Variants in FAM135B observed in about 807,000 individuals in gnomAD.
The protein encoded by FAM135B is family with sequence similarity 135 member B.
A neutral mutation model predicts 127.7 loss-of-function variants in FAM135B; 43 were observed. The observed-to-expected ratio is 0.34, with a 90% confidence interval of 0.26 to 0.43. The LOEUF (loss-of-function observed/expected upper bound fraction) is 0.43, where lower values mean the gene tolerates loss of function less well. Ranked by LOEUF, FAM135B falls within the 20% of genes least tolerant of loss-of-function variation. FAM135B has a pLI of 1.00. For synonymous variants in FAM135B, 670 were observed against 665.1 expected (o/e 1.01, Z -0.11); for missense variants, 1,558 against 1,725.6 (o/e 0.90, Z 1.72).
At chr8:138,415,413 T>A (rs1403499718) in intron 1 of FAM135B, among the ~76,000 whole-genome samples, 1 of 152,154 alleles carries the variant, frequency 6.6e-6, no homozygotes, top group Non-Finnish European at 1.5e-5. Context: ...GCTCCCAGTT[T>A]AGCTCTCGTG....
At chr8:138,364,455 G>C (rs966065451) in intron 2 of FAM135B, among the ~76,000 whole-genome samples, 1 of 152,150 alleles carries the variant, frequency 6.6e-6, no homozygotes, top group African/African-American at 2.4e-5. Flanking sequence ...ACCACGCTCA[G>C]ACCTGTCCAT....
chr8:138,416,187 G>T (rs1465164558), intron 1 of FAM135B, among the ~76,000 whole-genome samples: 1 of 152,084 alleles, frequency 6.6e-6, no homozygotes, highest in Non-Finnish European at 1.5e-5. Context: ...TGTACTTTTG[G>T]AGTACAAAAC....
At position 138,241,188 on chromosome 8, in the gene FAM135B, A is replaced by G. The variant is rs1309657837; in HGVS notation, c.669+1754T>C. Among the ~76,000 whole-genome samples the G allele has an allele frequency of 2.6e-5, 4 of 152,180 alleles. No homozygotes were observed. The highest frequency in any genetic ancestry group is 9.7e-5 in the African/African-American group (4 of 41,442). On this transcript the variant is annotated intron_variant, in intron 7 of 19. Transcript: ENST00000395297. The surrounding 1 kb of genome is among the most constrained non-coding windows in gnomAD (Gnocchi z 4.8). ...CTGTAGCAAAGGACCCACAGCAGGG[A>G]CAGTCCAATGACATGCTACAGGGCT...
In FAM135B at chr8:138,257,888, A is replaced by AAT. The variant is rs1554646113; in HGVS notation, c.298-1130_298-1129insAT. Among the ~76,000 whole-genome samples the AAT allele has an allele frequency of 4.2e-5, 6 of 142,124 alleles. No individual in the cohort carries two copies. In the East Asian group the frequency reaches 1.0e-3, roughly 24 times the overall value. The allele number at this position is 142,124 out of a possible 152,430, so 93.2% of individuals were successfully genotyped here. A position where few individuals can be genotyped will look rare whatever the true frequency, so the allele number is the denominator to read the frequency against. Reference sequence around the variant, plus strand: ...AGCTTCTACAAAAAATAAAAAATAAAAAAAAAAATAAAACAAAACAAAACA... The same window carrying AAT: ...AGCTTCTACAAAAAATAAAAAATAAAATAAAAAAAATAAAACAAAACAAAACA... On this transcript the variant is annotated intron_variant, in intron 4 of 19. Transcript: ENST00000395297.
intron 1 of FAM135B, among the ~76,000 whole-genome samples, chr8:138,412,682 G>C (rs983668412): frequency 2.0e-5 from 3 of 152,154 alleles, no homozygotes; most frequent in Non-Finnish European, 2.9e-5. Flanking sequence ...GCAAATCTTT[G>C]ACCAGAGGGC....
At chr8:138,362,018 T>G (rs1830449634) in intron 2 of FAM135B, among the ~76,000 whole-genome samples, 1 of 152,146 alleles carries the variant, frequency 6.6e-6, no homozygotes, top group Admixed American at 6.6e-5. Flanking sequence ...GTACAGATAT[T>G]TATGGGGCAC....
At chr8:138,295,609 G>A (rs1204752852) in intron 3 of FAM135B, among the ~76,000 whole-genome samples, 1 of 152,154 alleles carries the variant, frequency 6.6e-6, no homozygotes, top group Non-Finnish European at 1.5e-5. Flanking sequence ...TGTGAGCAGA[G>A]TTCTGAAGGA....
At chr8:138,165,428 T>G (rs1223606725) in intron 12 of FAM135B, among the ~76,000 whole-genome samples, 1 of 152,084 alleles carries the variant, frequency 6.6e-6, no homozygotes, top group Non-Finnish European at 1.5e-5. Context: ...CCAAGGGAAC[T>G]AATTTATTAA....
At chr8:138,336,328 T>C (rs1828582875) in intron 2 of FAM135B, among the ~76,000 whole-genome samples, 2 of 152,228 alleles carry the variant, frequency 1.3e-5, no homozygotes, top group South Asian at 4.1e-4. Context: ...GCTGGTTTTT[T>C]GAAAAGACCA....
chr8:138,408,609 T>C (rs1833669682), intron 1 of FAM135B, among the ~76,000 whole-genome samples: 1 of 152,160 alleles, frequency 6.6e-6, no homozygotes, highest in Admixed American at 6.5e-5. Context: ...TTTAATTGAC[T>C]CACAGTCTTG....
chr8:138,170,785 G>A (rs1286283734), intron 11 of FAM135B, among the ~76,000 whole-genome samples: 1 of 152,184 alleles, frequency 6.6e-6, no homozygotes, highest in Non-Finnish European at 1.5e-5. Context: ...GTCTCTGGAG[G>A]AGACTGGCAT....
chr8:138,490,064 C>A (rs1447319173), intron 1 of FAM135B, among the ~76,000 whole-genome samples: 1 of 152,186 alleles, frequency 6.6e-6, no homozygotes, highest in Non-Finnish European at 1.5e-5. Flanking sequence ...TCTTGGCCCC[C>A]TTCAAGCTTC....
At chr8:138,214,595 C>A (rs1818404923) in intron 7 of FAM135B, among the ~76,000 whole-genome samples, 1 of 151,980 alleles carries the variant, frequency 6.6e-6, no homozygotes, top group Admixed American at 6.6e-5. Context: ...TGGGGTCAGT[C>A]AAGAAAAACA....
chr8:138,301,276 A>G (rs1161481763), intron 3 of FAM135B, among the ~76,000 whole-genome samples: 2 of 152,216 alleles, frequency 1.3e-5, no homozygotes, highest in Non-Finnish European at 2.9e-5. Flanking sequence ...GCCAGGCATC[A>G]TACTTCATTC....
intron 2 of FAM135B, among the ~76,000 whole-genome samples, chr8:138,322,366 G>A (rs1185730696): frequency 1.3e-5 from 2 of 152,126 alleles, no homozygotes; most frequent in African/African-American, 4.8e-5. Context: ...GCTAGGGGAG[G>A]AGACCCTCTC....
At chr8:138,446,917 G>T (rs1473243567) in intron 1 of FAM135B, among the ~76,000 whole-genome samples, 6 of 152,014 alleles carry the variant, frequency 3.9e-5, no homozygotes, top group African/African-American at 1.5e-4. Flanking sequence ...CTGACAAAGG[G>T]CTAATATCCA....
intron 1 of FAM135B, among the ~76,000 whole-genome samples, chr8:138,388,418 A>G (rs747355732): frequency 6.6e-6 from 1 of 152,220 alleles, no homozygotes; most frequent in Non-Finnish European, 1.5e-5. Context: ...AGTTGAAAAC[A>G]TGTCTACACA....
intron 16 of FAM135B, among the ~76,000 whole-genome samples, chr8:138,142,340 G>A (rs760263052): frequency 5.3e-4 from 61 of 114,572 alleles, no homozygotes; most frequent in Admixed American, 9.1e-4. Context: ...TCACTCTGTC[G>A]CCCAGGCTGG....
intron 1 of FAM135B, among the ~76,000 whole-genome samples, chr8:138,492,580 A>G (rs569873464): frequency 6.6e-6 from 1 of 151,856 alleles, no homozygotes; most frequent in Admixed American, 6.6e-5. Context: ...AAACTCTCAA[A>G]CGTGTAACCC....
Sources: allele counts gnomAD v4.1 joint callset (sites outside exome capture counted in the v4.1 genomes callset), GRCh38; gene constraint gnomAD v4.1.1; non-coding constraint Gnocchi (gnomAD v3.1); transcripts MANE v1.5; gene names NCBI Gene and HGNC (gene_info 2026-07-23, HGNC 2026-07-21).